The following RAD51B variants were observed in gnomAD, a reference collection of about 807,000 sequenced individuals.
The protein encoded by RAD51B is DNA repair protein RAD51 homolog 2.
Under a neutral mutation model 42.2 loss-of-function variants are expected in RAD51B, and 38 were observed. The ratio of observed to expected loss-of-function variants is 0.90; its 90% confidence interval spans 0.70 to 1.18. The LOEUF is 1.18. Among genes scored for constraint, RAD51B ranks in the 50% most tolerant of loss-of-function variants. RAD51B has a pLI of 0.00. For synonymous variants in RAD51B, 154 were observed against 145.2 expected (o/e 1.06, Z -0.43); for missense variants, 373 against 400.7 (o/e 0.93, Z 0.59).
chr14:67,906,223 C>T (rs2043777976), intron 7 of RAD51B, among the ~76,000 whole-genome samples: 1 of 152,216 alleles, frequency 6.6e-6, no homozygotes, highest in Non-Finnish European at 1.5e-5. Context: ...TTGAGCCAAC[C>T]TTGCATCTCA....
At chr14:68,604,183 G>A (rs1325931538) in intron 10 of RAD51B, among the ~76,000 whole-genome samples, 4 of 152,310 alleles carry the variant, frequency 2.6e-5, no homozygotes, top group Admixed American at 6.5e-5. Flanking sequence ...AGGTGCACGC[G>A]AGAGTGGCTG....
At chr14:67,828,276 G>T (rs1484760509) in intron 3 of RAD51B, among the ~76,000 whole-genome samples, 1 of 151,600 alleles carries the variant, frequency 6.6e-6, no homozygotes, top group Non-Finnish European at 1.5e-5. Context: ...TTTGTTGGCT[G>T]CATGAATGTC....
intron 11 of RAD51B, among the ~76,000 whole-genome samples, chr14:68,654,447 C>G (rs551207244): frequency 1.3e-5 from 2 of 152,190 alleles, no homozygotes; most frequent in Non-Finnish European, 2.9e-5. Flanking sequence ...CCCCCCACCC[C>G]CTTTAGGAAT....
chr14:68,338,676 A>C (rs562054929), intron 8 of RAD51B: 1 of 260,874 alleles, frequency 3.8e-6, no homozygotes, highest in African/African-American at 2.3e-5. Flanking sequence ...TTTGAAGGAA[A>C]TTTTGTATTA....
At chr14:68,001,167 A>G (rs966544947) in intron 7 of RAD51B, among the ~76,000 whole-genome samples, 5 of 152,118 alleles carry the variant, frequency 3.3e-5, no homozygotes, top group African/African-American at 1.2e-4. Context: ...TTTTATATTT[A>G]AAGTCCAGCA....
At position 67,864,961 on chromosome 14, in the gene RAD51B, C is replaced by CTTTTTTTTTTTTTTTTTTTTTTTTTTTT. The variant is rs745505141; in HGVS notation, c.316-30_316-3dup. ...TGGCTTGTGATGTTTATCTAAAAAA[C>CTTTTTTTTTTTTTTTTTTTTTTTTTTTT]TTTTTTTTTTTTTTTTTTTTTTTTT... On this transcript the variant is annotated intron_variant, in intron 4 of 10. Transcript: ENST00000471583. 2.8e-5 allele frequency: 18 copies of CTTTTTTTTTTTTTTTTTTTTTTTTTTTT among 645,020 alleles called. 8 individuals carry two copies. The highest frequency in any genetic ancestry group is 1.9e-4 in the South Asian group (5 of 26,296). 40.0% of individuals were successfully genotyped at this position (645,020 alleles called of 1,614,324 possible).
At chr14:68,432,631 G>A (rs543605229) in intron 9 of RAD51B, among the ~76,000 whole-genome samples, 75 of 151,896 alleles carry the variant, frequency 4.9e-4, no homozygotes, top group Non-Finnish European at 1.0e-3. Flanking sequence ...CCTTTATTTT[G>A]AGCCTATGTG....
intron 7 of RAD51B, among the ~76,000 whole-genome samples, chr14:68,004,048 A>T (rs1400749162): frequency 1.3e-5 from 2 of 152,120 alleles, no homozygotes; most frequent in East Asian, 3.9e-4. Flanking sequence ...AACTATACTT[A>T]GTTATTTAAA....
intron 9 of RAD51B, among the ~76,000 whole-genome samples, chr14:68,460,748 T>C (rs1206719865): frequency 6.6e-6 from 1 of 152,136 alleles, no homozygotes; most frequent in East Asian, 1.9e-4. Context: ...AGGAAAAACA[T>C]GTGATGCTAT....
intron 9 of RAD51B, among the ~76,000 whole-genome samples, chr14:68,464,446 G>A (rs1377185495): frequency 6.6e-6 from 1 of 152,144 alleles, no homozygotes; most frequent in Non-Finnish European, 1.5e-5. Flanking sequence ...TAGAATGTAA[G>A]CTCTATTAGA....
intron 7 of RAD51B, among the ~76,000 whole-genome samples, chr14:68,034,949 G>A (rs2140378825): frequency 6.6e-6 from 1 of 152,186 alleles, no homozygotes; most frequent in Admixed American, 6.5e-5. Context: ...ATAAGAGGAG[G>A]ATTTGACTGA....
At chr14:68,419,334 C>T (rs2084640369) in intron 9 of RAD51B, among the ~76,000 whole-genome samples, 1 of 151,862 alleles carries the variant, frequency 6.6e-6, no homozygotes, top group Non-Finnish European at 1.5e-5. Flanking sequence ...CAAAAAAGTC[C>T]CCAAACCCAA....
chr14:68,577,105 A>G (rs1889996188), intron 10 of RAD51B, among the ~76,000 whole-genome samples: 1 of 152,160 alleles, frequency 6.6e-6, no homozygotes, highest in South Asian at 2.1e-4. Flanking sequence ...TGGGGAAGGA[A>G]GCAGAATTTC....
intron 8 of RAD51B, among the ~76,000 whole-genome samples, chr14:68,363,464 C>T (rs2083072742): frequency 6.6e-6 from 1 of 152,088 alleles, no homozygotes; most frequent in African/African-American, 2.4e-5. Context: ...TGTGTATTCT[C>T]AGTGTCCGCC....
Position 67,835,124 on chromosome 14 carries a change from A to G in RAD51B, c.243A>G (p.Ala81=). 1 of 1,614,028 alleles carries G rather than the reference A, an allele frequency of 6.2e-7. No homozygotes were observed. Among genetic ancestry groups the G allele is most frequent in the Non-Finnish European group, 8.5e-7 (1 of 1,179,932 alleles). The change falls in exon 4 of 11, where the codon GCA becomes GCG. Residue 81 remains alanine (A), a synonymous_variant. Transcript: ENST00000471583. ...AAAGGTCTGCTGATTTCTCACCAGC[A>G]TTCTTATCTACTACCCTTTCTGCTT... is the stretch of plus-strand genomic sequence containing the variant. ...KAQRSADFSP[A]FLSTTLSALD... is the part of the protein sequence containing the mutation.
chr14:67,868,347 C>T (rs1370699124), intron 5 of RAD51B, among the ~76,000 whole-genome samples: 5 of 152,230 alleles, frequency 3.3e-5, no homozygotes, highest in Non-Finnish European at 7.3e-5. Context: ...AAAATCGGGT[C>T]ACTCCCACCC....
chr14:68,043,462 T>C (rs1446625830), intron 7 of RAD51B, among the ~76,000 whole-genome samples: 1 of 152,270 alleles, frequency 6.6e-6, no homozygotes, highest in African/African-American at 2.4e-5. Flanking sequence ...GACTGAGAAA[T>C]ATTAGGAGAT....
At chr14:67,914,171 C>T (rs575916884) in intron 7 of RAD51B, among the ~76,000 whole-genome samples, 2 of 152,104 alleles carry the variant, frequency 1.3e-5, no homozygotes, top group African/African-American at 4.8e-5. Flanking sequence ...TTAGTAAAGA[C>T]GAGGTTTCAC....
At chr14:68,265,303 G>C (rs900524703) in intron 7 of RAD51B, among the ~76,000 whole-genome samples, 1 of 152,206 alleles carries the variant, frequency 6.6e-6, no homozygotes, top group Non-Finnish European at 1.5e-5. Context: ...TTATGGCTAA[G>C]TATATCACAA....
Sources: allele counts gnomAD v4.1 joint callset (sites outside exome capture counted in the v4.1 genomes callset), GRCh38; gene constraint gnomAD v4.1.1; transcripts MANE v1.5; gene names NCBI Gene and HGNC (gene_info 2026-07-23, HGNC 2026-07-21).